The following OR1B1 variants were observed in gnomAD, a reference collection of about 807,000 sequenced individuals.
OR1B1 encodes olfactory receptor family 1 subfamily B member 1, also known as olfactory receptor 1B1.
For synonymous variants in OR1B1, 168 were observed against 156.2 expected, an observed-to-expected ratio of 1.08 and a Z score of -0.57; for missense variants, 414 against 402.1, an observed-to-expected ratio of 1.03 and a Z score of -0.25.
At chr9:122,631,185 T>A (rs1444765802), upstream of OR1B1, among the ~76,000 whole-genome samples, 4 of 151,934 alleles carry the variant, frequency 2.6e-5, no homozygotes, top group Non-Finnish European at 5.9e-5. Context: ...ATCATACTTT[T>A]TTTTTTTTTG....
At chr9:122,656,453 T>C in the OR1B1 span, among the ~76,000 whole-genome samples, 26 of 152,174 alleles carry the variant, frequency 1.7e-4, no homozygotes, top group South Asian at 5.2e-3. Context: ...TTAATGCTGT[T>C]ATTGCAGGAA....
the OR1B1 span, among the ~76,000 whole-genome samples, chr9:122,644,145 A>G: frequency 6.6e-6 from 1 of 151,876 alleles, no homozygotes; most frequent in Non-Finnish European, 1.5e-5. Context: ...GTAAAGCAAT[A>G]ATCAGGCTAT....
chr9:122,639,381 A>G, the OR1B1 span, among the ~76,000 whole-genome samples: 4 of 152,266 alleles, frequency 2.6e-5, no homozygotes, highest in East Asian at 7.7e-4. Context: ...ATTATTGGAT[A>G]TAGCTTTGGT....
At chr9:122,650,238 G>A in the OR1B1 span, among the ~76,000 whole-genome samples, 1 of 151,978 alleles carries the variant, frequency 6.6e-6, no homozygotes, top group African/African-American at 2.4e-5. Flanking sequence ...ATCACACACC[G>A]GGGCCTGTCG....
At chr9:122,644,219 G>T in the OR1B1 span, among the ~76,000 whole-genome samples, 2 of 152,140 alleles carry the variant, frequency 1.3e-5, no homozygotes, top group African/African-American at 4.8e-5. Flanking sequence ...TGGGCCAGTG[G>T]GGAGCTCACA....
chr9:122,629,477 G>A lies in OR1B1; in HGVS notation c.59C>T (p.Ser20Leu), dbSNP rs779704886. The change falls in exon 1 of 1, where the codon TCG becomes TTG. Residue 20 changes from serine (S) to leucine (L), a missense_variant. Physicochemically the swap from Ser to Leu is moderately radical, Grantham distance 145 (BLOSUM62 -2). Transcript: ENST00000623530. ...GAGAGTGTAGGAGATGTTAGCTCTC[G>A]AGAACCCAAGGAGCAAAAAAACCGG... 5.7e-6 allele frequency: 9 copies of A among 1,589,530 alleles called. No homozygotes were observed. The East Asian group carries it at 6.8e-5, about 12-fold the overall frequency.
the OR1B1 span, among the ~76,000 whole-genome samples, chr9:122,644,395 GC>G: frequency 6.6e-5 from 10 of 152,360 alleles, no homozygotes; most frequent in African/African-American, 2.4e-4. Flanking sequence ...GGAGGAAGGG[GC>G]AGAAAGGACT....
the OR1B1 span, among the ~76,000 whole-genome samples, chr9:122,645,293 T>C: frequency 4.4e-4 from 66 of 151,066 alleles, no homozygotes; most frequent in Non-Finnish European, 1.6e-4. Flanking sequence ...ATCTAGAAAA[T>C]AGCCTCAAGA....
At chr9:122,639,989 G>A in the OR1B1 span, among the ~76,000 whole-genome samples, 8 of 151,824 alleles carry the variant, frequency 5.3e-5, no homozygotes, top group Non-Finnish European at 8.8e-5. Context: ...CGAAACCTGC[G>A]GTTCTGTGAG....
chr9:122,640,770 G>A, the OR1B1 span, among the ~76,000 whole-genome samples: 1 of 152,158 alleles, frequency 6.6e-6, no homozygotes, highest in Admixed American at 6.6e-5. Flanking sequence ...TTTGCCTATG[G>A]TTCCCAGAAA....
chr9:122,642,346 G>A, the OR1B1 span, among the ~76,000 whole-genome samples: 2 of 152,160 alleles, frequency 1.3e-5, no homozygotes, highest in East Asian at 3.8e-4. Context: ...ACATTCACCT[G>A]GCAAGAAAGG....
At chr9:122,640,508 A>G in the OR1B1 span, among the ~76,000 whole-genome samples, 5 of 152,224 alleles carry the variant, frequency 3.3e-5, no homozygotes, top group Non-Finnish European at 7.4e-5. Flanking sequence ...AAAAGGAGAC[A>G]GAAGAAAAGT....
At chr9:122,629,478 A>G in exon 1 of OR1B1, 1 of 1,588,892 alleles carries the variant, frequency 6.3e-7, no homozygotes, top group Non-Finnish European at 8.6e-7. Context: ...TTAGCTCTCG[A>G]GAACCCAAGG....
the OR1B1 span, among the ~76,000 whole-genome samples, chr9:122,642,508 C>T: frequency 6.6e-6 from 1 of 152,086 alleles, no homozygotes; most frequent in African/African-American, 2.4e-5. Context: ...CCCTAGAGAT[C>T]TTTCCTCTAG....
chr9:122,655,496 C>G, the OR1B1 span, among the ~76,000 whole-genome samples: 1 of 152,098 alleles, frequency 6.6e-6, no homozygotes, highest in Non-Finnish European at 1.5e-5. Context: ...GAATACTATG[C>G]AGCCATAAAA....
chr9:122,651,741 A>G, the OR1B1 span, among the ~76,000 whole-genome samples: 1 of 152,208 alleles, frequency 6.6e-6, no homozygotes, highest in African/African-American at 2.4e-5. Flanking sequence ...GAAAAATAAA[A>G]CCAATTATAA....
At chr9:122,650,487 G>T in the OR1B1 span, among the ~76,000 whole-genome samples, 1 of 151,796 alleles carries the variant, frequency 6.6e-6, no homozygotes, top group Non-Finnish European at 1.5e-5. Flanking sequence ...AGCAATATCA[G>T]TAAGACCAGA....
chr9:122,632,980 C>T (rs976162588), upstream of OR1B1, among the ~76,000 whole-genome samples: 6 of 152,256 alleles, frequency 3.9e-5, 1 homozygote, highest in Admixed American at 3.9e-4. Context: ...CACATGGCGG[C>T]AGACAAGAGA....
chr9:122,628,244 G>A (rs953563452), downstream of OR1B1, among the ~76,000 whole-genome samples: 8 of 152,198 alleles, frequency 5.3e-5, no homozygotes, highest in African/African-American at 9.6e-5. Flanking sequence ...ACTGCTCTTC[G>A]TTTAGTTCAT....
Sources: gnomAD v4.1 joint callset for allele counts (sites outside exome capture counted in the v4.1 genomes callset) on GRCh38, gnomAD v4.1.1 for gene constraint, MANE v1.5 for transcripts, NCBI Gene and HGNC (gene_info 2026-07-23, HGNC 2026-07-21) for gene names.